CFAP61: variants seen among roughly 807,000 people sequenced by gnomAD.
The protein encoded by CFAP61 is cilia- and flagella-associated protein 61.
CFAP61 carries 107 observed loss-of-function variants against 135.6 expected under a neutral mutation model. The ratio of observed to expected loss-of-function variants is 0.79; its 90% confidence interval spans 0.67 to 0.93. The LOEUF (loss-of-function observed/expected upper bound fraction) is 0.93. CFAP61 is among the 40% of genes least tolerant of loss of function. The probability of loss-of-function intolerance (pLI) is 0.00; values close to 1 mark genes in which losing one functional copy is unlikely to be tolerated. For missense variants in CFAP61, 1,507 were observed against 1,556.2 expected (o/e 0.97, Z 0.53); for synonymous variants, 575 against 578.5 (o/e 0.99, Z 0.09).
intron 1 of CFAP61, chr20:20,056,142 T>C: frequency 1.5e-6 from 1 of 661,120 alleles, no homozygotes; most frequent in South Asian, 1.9e-5. Context: ...TTGCGAGCAT[T>C]TCCTACACTT....
intron 20 of CFAP61, among the ~76,000 whole-genome samples, chr20:20,259,043 T>C (rs1471956742): frequency 6.6e-6 from 1 of 152,176 alleles, no homozygotes; most frequent in African/African-American, 2.4e-5. Flanking sequence ...ATTGACATGG[T>C]GCAGGGCTTA....
At chr20:20,071,668 C>T (rs1009743191) in intron 3 of CFAP61, among the ~76,000 whole-genome samples, 5 of 152,130 alleles carry the variant, frequency 3.3e-5, no homozygotes, top group African/African-American at 1.2e-4. Context: ...GCAGCATGTC[C>T]CCAGAGCCCT....
chr20:20,296,112 TCCTTCCCTTCCTTCCTTCCTTCCTC>T (rs2055480912), intron 24 of CFAP61, among the ~76,000 whole-genome samples: 1 of 4,734 alleles, frequency 2.1e-4, no homozygotes. Context: ...CTTCCCTCCC[TCCTTCCCTTCCTTCCTTCCTTCCTC>T]CCTCCCTCCC....
chr20:20,055,187 G>A (rs1362077767), intron 1 of CFAP61, among the ~76,000 whole-genome samples: 2 of 151,284 alleles, frequency 1.3e-5, no homozygotes, highest in Non-Finnish European at 3.0e-5. Context: ...CATGACTTTT[G>A]TTTCTCTTTC....
intron 25 of CFAP61, among the ~76,000 whole-genome samples, chr20:20,309,150 T>G (rs1489581159): frequency 6.6e-6 from 1 of 152,166 alleles, no homozygotes; most frequent in African/African-American, 2.4e-5. Context: ...GGTGCAGCAT[T>G]CTCCTTCTTT....
intron 25 of CFAP61, among the ~76,000 whole-genome samples, chr20:20,330,646 C>T (rs1319423140): frequency 2.0e-5 from 3 of 152,130 alleles, no homozygotes; most frequent in African/African-American, 7.2e-5. Flanking sequence ...CCCAGACCAG[C>T]CACATTTTAA....
At chr20:20,217,238 G>A (rs140508042) in intron 17 of CFAP61, among the ~76,000 whole-genome samples, 3 of 152,346 alleles carry the variant, frequency 2.0e-5, no homozygotes, top group African/African-American at 7.2e-5. Flanking sequence ...TTCAAGTCAT[G>A]TGAAAGAGAA....
intron 24 of CFAP61, among the ~76,000 whole-genome samples, chr20:20,295,266 T>C (rs1431380998): frequency 6.6e-6 from 1 of 152,162 alleles, no homozygotes; most frequent in Admixed American, 6.5e-5. Flanking sequence ...GTGAGACTCT[T>C]GGCAAAGTCA....
chr20:20,116,963 C>G (rs114668086), intron 8 of CFAP61, among the ~76,000 whole-genome samples: 1 of 152,146 alleles, frequency 6.6e-6, no homozygotes, highest in Non-Finnish European at 1.5e-5. Flanking sequence ...ATTTGGCTTG[C>G]TAGTATTTTG....
intron 18 of CFAP61, among the ~76,000 whole-genome samples, chr20:20,244,715 C>T (rs1019656521): frequency 2.0e-5 from 3 of 152,244 alleles, no homozygotes; most frequent in African/African-American, 7.2e-5. Context: ...CACATTTCTG[C>T]AGCTGGCTTG....
At chr20:20,282,045 TAAG>T (rs1408843231) in intron 22 of CFAP61, among the ~76,000 whole-genome samples, 1 of 152,240 alleles carries the variant, frequency 6.6e-6, no homozygotes, top group Non-Finnish European at 1.5e-5. Flanking sequence ...TTGTTGGCAT[TAAG>T]TTTTTCACAT....
chr20:20,075,749 C>T lies in CFAP61; in HGVS notation c.566+134C>T, dbSNP rs555773195. 6.1e-5 allele frequency: 53 copies of T among 864,316 alleles called. No individual in the cohort carries two copies. The African/African-American group carries it at 6.7e-4, about 11-fold the overall frequency. The allele number at this position is 864,316 out of a possible 1,614,324, so 53.5% of individuals were successfully genotyped here. The stretch of plus-strand genomic sequence containing the variant: ...TTTACAATACTCATAAGCATTACTT[C>T]ATTTGGATATCTTTATAGTTCCCCT... On this transcript the variant is annotated intron_variant, in intron 6 of 26. Coordinates refer to ENST00000245957, the MANE Select transcript of CFAP61 (RefSeq NM_015585.4).
intron 17 of CFAP61, among the ~76,000 whole-genome samples, chr20:20,213,545 G>GA (rs769555959): frequency 0.061 from 8,076 of 131,320 alleles, 275 homozygotes; most frequent in Middle Eastern, 0.13. Flanking sequence ...ATCTGTTTAA[G>GA]AAAAAAAAAA....
intron 6 of CFAP61, chr20:20,085,494 A>G: frequency 7.3e-7 from 1 of 1,366,500 alleles, no homozygotes; most frequent in Non-Finnish European, 9.8e-7. Flanking sequence ...GAACTCCAAG[A>G]TTTGGATGTT....
chr20:20,250,255 A>C (rs1195955159), intron 19 of CFAP61, among the ~76,000 whole-genome samples: 1 of 152,226 alleles, frequency 6.6e-6, no homozygotes, highest in Non-Finnish European at 1.5e-5. Context: ...ATTTAGAATA[A>C]TACTCTTCAC....
intron 21 of CFAP61, chr20:20,267,465 G>C (rs1021721340): frequency 6.6e-6 from 1 of 152,608 alleles, no homozygotes; most frequent in Non-Finnish European, 1.5e-5. Context: ...TGCCAGCAGA[G>C]AGAAGGTGAC....
chr20:20,156,125 G>A (rs2052885867), intron 9 of CFAP61, among the ~76,000 whole-genome samples: 1 of 152,080 alleles, frequency 6.6e-6, no homozygotes, highest in Non-Finnish European at 1.5e-5. Context: ...ACTTTTCCAT[G>A]CAACCAAACA....
rs200007266 is a variant in CFAP61 at position 20,289,446 on chromosome 20, AG to A, written c.3124+513del. 6.3e-4 allele frequency among the ~76,000 whole-genome samples: 96 copies of A among 152,336 alleles called. 2 individuals carry two copies. In the East Asian group the frequency reaches 0.018, roughly 28 times the overall value. ...GAGGAGATGATTTCATGAGTAATGCAGGGTTCCTTCACGTTTAGGGTATGAG... is the reference window on the plus strand; with the variant it reads ...GAGGAGATGATTTCATGAGTAATGCAGGTTCCTTCACGTTTAGGGTATGAG... On this transcript the variant is annotated intron_variant, in intron 23 of 26. Coordinates refer to ENST00000245957, the MANE Select transcript of CFAP61 (RefSeq NM_015585.4).
chr20:20,185,493 A>C (rs554108301), intron 13 of CFAP61, among the ~76,000 whole-genome samples: 2 of 152,318 alleles, frequency 1.3e-5, no homozygotes, highest in Non-Finnish European at 2.9e-5. Flanking sequence ...AGAGGTGTGC[A>C]AGAAAACAGA....
Sources: allele counts gnomAD v4.1 joint callset (sites outside exome capture counted in the v4.1 genomes callset), GRCh38; gene constraint gnomAD v4.1.1; transcripts MANE v1.5; gene names NCBI Gene and HGNC (gene_info 2026-07-23, HGNC 2026-07-21).